The following CNTNAP5 variants were observed in gnomAD, a reference collection of about 807,000 sequenced individuals.
The protein encoded by CNTNAP5 is contactin associated protein family member 5.
Under a neutral mutation model 150.2 loss-of-function variants are expected in CNTNAP5, and 72 were observed. That is an observed-to-expected ratio of 0.48 (90% CI 0.40 to 0.58). The LOEUF is 0.58. Among genes scored for constraint, CNTNAP5 ranks in the 20% least tolerant of loss-of-function variants. The pLI, the probability that CNTNAP5 is intolerant of heterozygous loss-of-function variation, is 0.00. For missense variants in CNTNAP5, 1,636 were observed against 1,626.2 expected, an observed-to-expected ratio of 1.01 and a Z score of -0.10; for synonymous variants, 672 against 619.8, an observed-to-expected ratio of 1.08 and a Z score of -1.25.
At chr2:124,448,726 A>G (rs1413514286) in intron 6 of CNTNAP5, among the ~76,000 whole-genome samples, 1 of 152,164 alleles carries the variant, frequency 6.6e-6, no homozygotes, top group African/African-American at 2.4e-5. Context: ...AATTTTTCAA[A>G]AAGAATATAT....
intron 3 of CNTNAP5, among the ~76,000 whole-genome samples, chr2:124,250,056 C>A (rs955790162): frequency 7.3e-5 from 11 of 151,558 alleles, no homozygotes; most frequent in Non-Finnish European, 5.9e-5. Flanking sequence ...GACATGGATT[C>A]TGTGACCATG....
chr2:124,196,223 G>A (rs1685581373), intron 1 of CNTNAP5, among the ~76,000 whole-genome samples: 1 of 152,146 alleles, frequency 6.6e-6, no homozygotes, highest in African/African-American at 2.4e-5. Context: ...TCTGTCCCTA[G>A]GTGAGAAGGG....
At chr2:124,541,063 C>T (rs1857691) in intron 10 of CNTNAP5, among the ~76,000 whole-genome samples, 27,301 of 151,916 alleles carry the variant, frequency 0.18, 3,609 homozygotes, top group East Asian at 0.63. Flanking sequence ...TTTGTCCTCT[C>T]CATGGCTTTC....
intron 1 of CNTNAP5, among the ~76,000 whole-genome samples, chr2:124,192,317 C>A (rs1685478478): frequency 6.6e-6 from 1 of 152,164 alleles, no homozygotes; most frequent in Admixed American, 6.5e-5. Context: ...CTGGAGAATG[C>A]TGTAGCTCCT....
intron 4 of CNTNAP5, among the ~76,000 whole-genome samples, chr2:124,420,157 A>C (rs561770215): frequency 6.6e-6 from 1 of 150,590 alleles, no homozygotes; most frequent in African/African-American, 2.4e-5. Context: ...TGTCTGGCTA[A>C]TTTTCGTATC....
At chr2:124,079,881 G>A (rs1429157023) in intron 1 of CNTNAP5, among the ~76,000 whole-genome samples, 1 of 152,126 alleles carries the variant, frequency 6.6e-6, no homozygotes, top group Non-Finnish European at 1.5e-5. Context: ...CCACATACTA[G>A]CCAGATATGT....
intron 13 of CNTNAP5, among the ~76,000 whole-genome samples, chr2:124,725,441 CCTTCCCCTTCCCCTTCCT>C (rs1195041534): frequency 1.3e-5 from 2 of 150,690 alleles, no homozygotes; most frequent in African/African-American, 2.4e-5. Flanking sequence ...CCTTTACTCC[CCTTCCCCTTCCCCTTCCT>C]CTTCCCCTTC....
chr2:124,497,875 T>G (rs1207102735), intron 7 of CNTNAP5, among the ~76,000 whole-genome samples: 1 of 152,208 alleles, frequency 6.6e-6, no homozygotes, highest in African/African-American at 2.4e-5. Context: ...TCTTCTGAAG[T>G]TCTTCGTCTG....
intron 21 of CNTNAP5, among the ~76,000 whole-genome samples, chr2:124,896,141 T>C (rs760745236): frequency 5.3e-5 from 8 of 151,562 alleles, no homozygotes; most frequent in Non-Finnish European, 8.8e-5. Flanking sequence ...GTAAGAAATA[T>C]TAATGAAGTT....
At chr2:124,076,009 G>A (rs1682428229) in intron 1 of CNTNAP5, among the ~76,000 whole-genome samples, 1 of 152,096 alleles carries the variant, frequency 6.6e-6, no homozygotes, top group Non-Finnish European at 1.5e-5. Context: ...CTCTGAAGTA[G>A]GAATTATGAG....
rs145617868 is a variant in CNTNAP5, at chr2:124,029,769, A to G, written c.82+4037A>G. Among the ~76,000 whole-genome samples the G allele has an allele frequency of 1.2e-4, 19 of 152,178 alleles. 1 individual carries two copies. The East Asian group carries it at 3.7e-3, about 29-fold the overall frequency. ...TTTGTTAAAAAAACAAAGTAATGCG[A>G]TATCATTTGAAATGCCCCTGAAACC... is the stretch of plus-strand genomic sequence containing the variant. On this transcript the variant is annotated intron_variant, in intron 1 of 23. Transcript: ENST00000682447.
rs1183179134 is a variant in CNTNAP5, at chr2:124,679,669, A to G, written c.2077+31711A>G. On this transcript the variant is annotated intron_variant, in intron 13 of 23. Coordinates refer to ENST00000682447, the MANE Select transcript of CNTNAP5 (RefSeq NM_001367498.1). ...CTGCAGCCTCCGGCTCCCTGGCTCA[A>G]GTTATCCTCCCACCTCAGCCTCCTG... Among the ~76,000 whole-genome samples, 5 of 151,584 alleles carry G rather than the reference A, an allele frequency of 3.3e-5. No homozygotes were observed. The East Asian group carries it at 9.7e-4, about 30-fold the overall frequency.
intron 1 of CNTNAP5, among the ~76,000 whole-genome samples, chr2:124,073,294 G>C (rs114779074): frequency 6.6e-6 from 1 of 152,066 alleles, no homozygotes; most frequent in African/African-American, 2.4e-5. Flanking sequence ...CAGGATATTG[G>C]TCTGGGCAAA....
chr2:124,386,717 A>G (rs913313565), intron 3 of CNTNAP5, among the ~76,000 whole-genome samples: 1 of 148,904 alleles, frequency 6.7e-6, no homozygotes. Context: ...TCCTCTTGTG[A>G]TTATTTCAAA....
At chr2:124,770,719 C>T (rs1040975777) in intron 16 of CNTNAP5, among the ~76,000 whole-genome samples, 2 of 152,138 alleles carry the variant, frequency 1.3e-5, no homozygotes, top group African/African-American at 4.8e-5. Flanking sequence ...AATTCTGTTT[C>T]CTTTAAGGCA....
chr2:124,582,525 T>C (rs12621453), intron 11 of CNTNAP5, among the ~76,000 whole-genome samples: 37,490 of 152,102 alleles, frequency 0.25, 5,257 homozygotes, highest in African/African-American at 0.38. Flanking sequence ...TCCAGGGCTC[T>C]TGCCTACCTG....
intron 11 of CNTNAP5, among the ~76,000 whole-genome samples, chr2:124,598,265 C>A (rs1435331590): frequency 1.7e-5 from 2 of 119,508 alleles, no homozygotes; most frequent in Non-Finnish European, 3.5e-5. Flanking sequence ...TTTTCCCCAT[C>A]TTTGTGGTTT....
chr2:124,333,926 A>T (rs1689409887), intron 3 of CNTNAP5, among the ~76,000 whole-genome samples: 1 of 152,176 alleles, frequency 6.6e-6, no homozygotes, highest in African/African-American at 2.4e-5. Flanking sequence ...ATTATCTTTA[A>T]AATTGCTGGT....
At chr2:124,335,180 C>T (rs1324468780) in intron 3 of CNTNAP5, among the ~76,000 whole-genome samples, 1 of 152,094 alleles carries the variant, frequency 6.6e-6, no homozygotes, top group Non-Finnish European at 1.5e-5. Context: ...CAATCTATGA[C>T]ATTGGGTAGG....
Sources: allele counts gnomAD v4.1 joint callset (sites outside exome capture counted in the v4.1 genomes callset), GRCh38; gene constraint gnomAD v4.1.1; transcripts MANE v1.5; gene names NCBI Gene and HGNC (gene_info 2026-07-23, HGNC 2026-07-21).